The following CDK11B variants were observed in gnomAD, a reference collection of about 807,000 sequenced individuals.
The protein encoded by CDK11B is cyclin dependent kinase 11B, also known as cyclin-dependent kinase 11B.
In CDK11B, 37 loss-of-function variants were observed where a neutral mutation model predicts 84.0. The observed-to-expected ratio is 0.44, with a 90% CI of 0.34 to 0.58. The LOEUF (loss-of-function observed/expected upper bound fraction) is 0.58. Among genes scored for constraint, CDK11B ranks in the 20% least tolerant of loss-of-function variants. CDK11B has a pLI of 0.02. For synonymous variants in CDK11B, 269 were observed against 309.8 expected (o/e 0.87, Z 1.38); for missense variants, 427 against 834.0 (o/e 0.51, Z 6.01).
chr1:1,644,890 G>A (rs1640805755), intron 6 of CDK11B, among the ~76,000 whole-genome samples: 1 of 148,264 alleles, frequency 6.7e-6, no homozygotes, highest in Non-Finnish European at 1.5e-5. Flanking sequence ...CTACTCCGGA[G>A]GCTGAGGCAG....
rs1302968235 is a variant in CDK11B, at chr1:1,636,768, C to G, written c.1831G>C (p.Val611Leu). ...EYSTAVDMWS[V>L]GCIFGELLTQ... is the part of the protein sequence containing the mutation. Reference sequence around the variant, plus strand: ...AGCAGCTCCCCGAAGATGCAACCCACTGACCACATGTCCACGGCCGTGGAG... The same window carrying G: ...AGCAGCTCCCCGAAGATGCAACCCAGTGACCACATGTCCACGGCCGTGGAG... The change falls in exon 17 of 20, where the codon GTG becomes CTG. Residue 611 changes from valine to leucine, a missense_variant. Val to Leu is a conservative substitution (Grantham distance 32). This residue lies in a region of CDK11B where 170 missense variants were observed against 196.0 expected (regional missense o/e 0.87). Transcript: ENST00000341832. 2 of 1,613,940 alleles carry G rather than the reference C, an allele frequency of 1.2e-6. No homozygotes were observed. The highest frequency in any genetic ancestry group is 1.7e-6 in the Non-Finnish European group (2 of 1,179,864).
chr1:1,653,749 T>G (rs1642319295), intron 3 of CDK11B, among the ~76,000 whole-genome samples: 1 of 151,542 alleles, frequency 6.6e-6, no homozygotes, highest in African/African-American at 2.4e-5. Context: ...TTTGGGAGGC[T>G]GAGGCAAGTA....
intron 5 of CDK11B, among the ~76,000 whole-genome samples, chr1:1,647,149 CTTG>C (rs1641260058): frequency 6.6e-6 from 1 of 152,204 alleles, no homozygotes; most frequent in East Asian, 1.9e-4. Flanking sequence ...GTGCATTTTT[CTTG>C]TTTTTTTCTC....
chr1:1,657,316 G>A (rs1642892289), intron 2 of CDK11B, 59 bp downstream of exon 2: 4 of 1,612,694 alleles, frequency 2.5e-6, no homozygotes, highest in East Asian at 2.2e-5. Flanking sequence ...ATGGAAAAAT[G>A]AGGGCAAAGA....
chr1:1,637,812 C>A lies in CDK11B; in HGVS notation c.1414G>T (p.Glu472Ter). ...KEGFPITSLR[E>*]INTILKAQHP... is the part of the protein sequence containing the mutation. ...TGGGCCTTGAGGATGGTGTTGATCT[C>A]CCTCAGCGACGTGATCGGGAAGCCC... is the stretch of plus-strand genomic sequence containing the variant. The change falls in exon 13 of 20, where the codon GAG (glutamate) becomes TAG (stop). Residue 472 changes from glutamate (E) to a stop codon, truncating the protein, a stop_gained. Transcript: ENST00000341832. LOFTEE classifies it high-confidence loss of function. The A allele has an allele frequency of 6.2e-7, 1 of 1,613,722 alleles. No individual in the cohort carries two copies. The highest frequency in any genetic ancestry group is 8.5e-7 in the Non-Finnish European group (1 of 1,179,686).
intron 11 of CDK11B, among the ~76,000 whole-genome samples, chr1:1,639,021 A>T (rs1484574201): frequency 6.9e-5 from 10 of 144,482 alleles, no homozygotes; most frequent in Admixed American, 4.8e-4. Context: ...GCTCACTGCA[A>T]CCTCCACCTC....
intron 5 of CDK11B, among the ~76,000 whole-genome samples, chr1:1,648,166 C>A (rs1260754371): frequency 4.6e-5 from 7 of 152,252 alleles, no homozygotes; most frequent in Admixed American, 4.6e-4. Context: ...TCTGAATCGG[C>A]CCTACCCAGA....
chr1:1,653,957 C>T (rs556257185), intron 3 of CDK11B, among the ~76,000 whole-genome samples: 29 of 152,032 alleles, frequency 1.9e-4, no homozygotes, highest in African/African-American at 6.5e-4. Flanking sequence ...GGCAGTGAGC[C>T]GAGATCATGC....
intron 3 of CDK11B, chr1:1,654,075 C>A: frequency 2.3e-6 from 1 of 438,554 alleles, no homozygotes; most frequent in East Asian, 6.9e-5. Flanking sequence ...GTATCTTCAG[C>A]TGATTTCTGT....
intron 5 of CDK11B, chr1:1,646,361 G>T (rs1641112904): frequency 2.1e-6 from 1 of 471,498 alleles, no homozygotes. Context: ...AAAACACTAA[G>T]AAAACAACTT....
At chr1:1,646,468 TTC>T (rs1641134106) in intron 5 of CDK11B, 1 of 520,018 alleles carries the variant, frequency 1.9e-6, no homozygotes, top group African/African-American at 1.9e-5. Flanking sequence ...ATTCCCTGTC[TTC>T]TTTGTGCAGT....
At chr1:1,647,141 G>A (rs1288432107) in intron 5 of CDK11B, among the ~76,000 whole-genome samples, 2 of 152,226 alleles carry the variant, frequency 1.3e-5, no homozygotes, top group Non-Finnish European at 2.9e-5. Context: ...GAGGCTCTGT[G>A]CATTTTTCTT....
chr1:1,637,641 T>G (rs555578711), intron 13 of CDK11B, 121 bp downstream of exon 13: 2 of 1,608,490 alleles, frequency 1.2e-6, no homozygotes, highest in Non-Finnish European at 1.7e-6. Context: ...TGCTTCTGTG[T>G]GGTCTGTGAA....
Position 1,650,285 on chromosome 1 carries a change from G to A in CDK11B, c.356-648C>T, listed in dbSNP as rs1463292940. 4.5e-3 allele frequency among the ~76,000 whole-genome samples: 518 copies of A among 115,742 alleles called. 4 individuals carry two copies. Among genetic ancestry groups the A allele is most frequent in the African/African-American group, 6.7e-3 (194 of 28,836 alleles). The allele number at this position is 115,742 out of a possible 152,430, so 75.9% of individuals were successfully genotyped here. Reference sequence around the variant, plus strand: ...CTCCGTCCCAAAAAAAAAAAAAAAAGAAATTAAATCAAGAACAGTAAATAT... The same window carrying A: ...CTCCGTCCCAAAAAAAAAAAAAAAAAAAATTAAATCAAGAACAGTAAATAT... On this transcript the variant is annotated intron_variant, in intron 4 of 19. Transcript: ENST00000341832.
At chr1:1,639,473 T>C (rs565068860) in intron 11 of CDK11B, among the ~76,000 whole-genome samples, 1 of 151,806 alleles carries the variant, frequency 6.6e-6, no homozygotes, top group Non-Finnish European at 1.5e-5. Context: ...CCCCTGCTTG[T>C]ACCAGGATGA....
chr1:1,656,710 A>C (rs1316967549), intron 2 of CDK11B, among the ~76,000 whole-genome samples: 2 of 152,204 alleles, frequency 1.3e-5, no homozygotes, highest in Non-Finnish European at 2.9e-5. Context: ...GAATGGCGTG[A>C]ACCCGGCCCT....
intron 5 of CDK11B, 29 bp downstream of exon 5, chr1:1,649,469 TA>T: frequency 6.7e-7 from 1 of 1,489,406 alleles, no homozygotes; most frequent in Non-Finnish European, 9.4e-7. Flanking sequence ...AGCCCTTTTA[TA>T]AAGTCCTCAA....
At chr1:1,654,709 G>A (rs1642494931) in intron 3 of CDK11B, among the ~76,000 whole-genome samples, 2 of 151,474 alleles carry the variant, frequency 1.3e-5, no homozygotes, top group Admixed American at 1.3e-4. Flanking sequence ...CCCAGGCTGG[G>A]GTGCAGTGAC....
chr1:1,636,813 G>C lies in CDK11B; in HGVS notation c.1801-15C>G. 1 of 1,613,834 alleles carries C rather than the reference G, an allele frequency of 6.2e-7. No homozygotes were observed. The highest frequency in any genetic ancestry group is 1.3e-5 in the African/African-American group (1 of 75,044). On this transcript the variant is annotated splice_polypyrimidine_tract_variant and intron_variant, in intron 16 of 19. Transcript: ENST00000341832. ...GTGGAGTATTCCTAAGAGGTCAGGAGAGGTGTTCAGGAGGGCCAGTGCCCG... is the reference window on the plus strand; with the variant it reads ...GTGGAGTATTCCTAAGAGGTCAGGACAGGTGTTCAGGAGGGCCAGTGCCCG...
Sources: allele counts gnomAD v4.1 joint callset (sites outside exome capture counted in the v4.1 genomes callset), GRCh38; gene constraint gnomAD v4.1.1; regional missense constraint gnomAD v4.1.1; transcripts MANE v1.5; gene names NCBI Gene and HGNC (gene_info 2026-07-23, HGNC 2026-07-21).